The following ZNF615 variants were observed in gnomAD, a reference collection of about 807,000 sequenced individuals.
The protein encoded by ZNF615 is zinc finger protein 615.
ZNF615 carries 15 observed loss-of-function variants against 15.3 expected under a neutral mutation model. That is an observed-to-expected ratio of 0.98 (90% CI 0.66 to 1.51). The LOEUF is 1.51. Ranked by LOEUF, ZNF615 falls within the 40% of genes most tolerant of loss-of-function variation. The probability of loss-of-function intolerance (pLI) is 0.00; values close to 1 mark genes in which losing one functional copy is unlikely to be tolerated. For synonymous variants in ZNF615, 268 were observed against 294.6 expected, an observed-to-expected ratio of 0.91 and a Z score of 0.92; for missense variants, 848 against 895.9, an observed-to-expected ratio of 0.95 and a Z score of 0.68.
At position 51,993,898 on chromosome 19, in the gene ZNF615, G is replaced by C; in HGVS notation, c.1211C>G (p.Thr404Ser). Residue 404 changes from threonine (T) to serine (S), a missense_variant, in exon 7 of 7, where the codon ACT becomes AGT. Physicochemically the swap from Thr to Ser is moderately conservative, Grantham distance 58 (BLOSUM62 1). Transcript: ENST00000598071. ...LKNSLITHQQ[T>S]HTGEKLYTCS... ...TGTATATAATTTCTCTCCTGTATGAGTTTGCTGATGTGTGATAAGACTGTT... is the reference window on the plus strand; with the variant it reads ...TGTATATAATTTCTCTCCTGTATGACTTTGCTGATGTGTGATAAGACTGTT... 1 of 1,614,146 alleles carries C rather than the reference G, an allele frequency of 6.2e-7. No individual in the cohort carries two copies. Among genetic ancestry groups the C allele is most frequent in the Non-Finnish European group, 8.5e-7 (1 of 1,180,018 alleles).
At chr19:51,998,900 C>T (rs1238786891) in intron 6 of ZNF615, among the ~76,000 whole-genome samples, 1 of 152,212 alleles carries the variant, frequency 6.6e-6, no homozygotes, top group Admixed American at 6.5e-5. Context: ...AGTGATCCAT[C>T]TGCCTTGGCC....
At chr19:52,003,934 T>G in intron 2 of ZNF615, 34 bp from the exon 3 acceptor site, 1 of 1,319,354 alleles carries the variant, frequency 7.6e-7, no homozygotes, top group Non-Finnish European at 9.7e-7. Flanking sequence ...GGTACATTCT[T>G]TTTAGGCCCA....
At position 51,993,914 on chromosome 19, in the gene ZNF615, T is replaced by C. The variant is rs757451078; in HGVS notation, c.1195A>G (p.Ile399Val). The change falls in exon 7 of 7, where the codon ATC becomes GTC. Residue 399 changes from isoleucine to valine, a missense_variant. Ile to Val is a conservative substitution (Grantham distance 29). Transcript: ENST00000598071. ...GKGFTLKNSL[I>V]THQQTHTGEK... ...CCTGTATGAGTTTGCTGATGTGTGATAAGACTGTTCTTCAAGGTGAAGCCT... is the reference window on the plus strand; with the variant it reads ...CCTGTATGAGTTTGCTGATGTGTGACAAGACTGTTCTTCAAGGTGAAGCCT... 1.4e-5 allele frequency: 23 copies of C among 1,614,228 alleles called. No individual in the cohort carries two copies. Among genetic ancestry groups the C allele is most frequent in the Non-Finnish European group, 1.9e-5 (23 of 1,180,030 alleles).
intron 2 of ZNF615, among the ~76,000 whole-genome samples, 162 bp downstream of exon 2, chr19:52,007,131 A>C (rs2086774313): frequency 6.6e-6 from 1 of 152,226 alleles, no homozygotes; most frequent in Admixed American, 6.5e-5. Context: ...CAAACAGTAA[A>C]AACAACTTCT....
rs1555771247 is a variant in ZNF615 at position 51,996,402 on chromosome 19, A to AAAAC, written c.272-1566_272-1565insGTTT. 7.1e-4 allele frequency among the ~76,000 whole-genome samples: 96 copies of AAAAC among 134,364 alleles called. 4 individuals are homozygous for AAAAC. The highest frequency in any genetic ancestry group is 4.0e-3 in the Middle Eastern group (1 of 248). 88.1% of individuals were successfully genotyped at this position (134,364 alleles called of 152,430 possible). ...CTCTGTCTCAAAAAAAAAAAAAAAA[A>AAAAC]AAAAAACGCAAAACTATATGGCTTC... is the stretch of plus-strand genomic sequence containing the variant. On this transcript the variant is annotated intron_variant, in intron 6 of 6. Coordinates refer to ENST00000598071, the MANE Select transcript of ZNF615 (RefSeq NM_001199324.2).
Position 51,993,106 on chromosome 19 carries a change from C to T in ZNF615, c.2003G>A (p.Cys668Tyr), listed in dbSNP as rs769437215. 6.2e-7 allele frequency: 1 copy of T among 1,614,196 alleles called. No homozygotes were observed. The highest frequency in any genetic ancestry group is 8.5e-7 in the Non-Finnish European group (1 of 1,180,026). The stretch of plus-strand genomic sequence containing the variant: ...ATTTTTGCGCAAAGAGAATTTTCCA[C>T]ATTCAGTACATGCAAAGGAAGTCTT... ...TGKTSFACTECGKFSLRKNDL... is the reference protein window; with the variant it reads ...TGKTSFACTEYGKFSLRKNDL... Residue 668 changes from cysteine to tyrosine, a missense_variant, in exon 7 of 7, where the codon TGT becomes TAT. Physicochemically the swap from Cys to Tyr is radical, Grantham distance 194. Coordinates refer to ENST00000598071, the MANE Select transcript of ZNF615 (RefSeq NM_001199324.2).
chr19:51,994,063 T>G lies in ZNF615; in HGVS notation c.1046A>C (p.His349Pro). 1.2e-6 allele frequency: 2 copies of G among 1,614,162 alleles called. No homozygotes were observed. The highest frequency in any genetic ancestry group is 1.7e-6 in the Non-Finnish European group (2 of 1,180,020). ...ACATATATAAGGTTTTTCTCCTGTA[T>G]GAGTTTTCTGATGTGTAGTGAGACT... ...KFSLTTHQKT[H>P]TGEKPYICSE... Residue 349 changes from histidine to proline, a missense_variant, in exon 7 of 7, where the codon CAT becomes CCT. By Grantham distance (77) the His-to-Pro change is moderately conservative. Transcript: ENST00000598071.
Position 51,993,947 on chromosome 19 carries a change from A to G in ZNF615, c.1162T>C (p.Cys388Arg). The part of the protein sequence containing the change: ...TGEKPFICNK[C>R]GKGFTLKNSL... ...TTCTTCAAGGTGAAGCCTTTCCCAC[A>G]TTTATTGCATATAAAGGGTTTCTCA... Residue 388 changes from cysteine to arginine, a missense_variant, in exon 7 of 7, where the codon TGT becomes CGT. By Grantham distance (180) the Cys-to-Arg change is radical. Transcript: ENST00000598071. The G allele has an allele frequency of 6.2e-7, 1 of 1,614,034 alleles. No individual in the cohort carries two copies. The highest frequency in any genetic ancestry group is 8.5e-7 in the Non-Finnish European group (1 of 1,179,912).
At position 51,991,445 on chromosome 19, in the gene ZNF615, T is replaced by TTA. The variant is rs1210443964; in HGVS notation, c.*1433_*1434dup. On this transcript the variant is annotated 3_prime_UTR_variant, in exon 7 of 7. Coordinates refer to ENST00000598071, the MANE Select transcript of ZNF615 (RefSeq NM_001199324.2). Reference sequence around the variant, plus strand: ...AATAGTGGTATATTCGTATCATAGATTATTAGTGGCCAATAAAAACAGAAC... The same window carrying TTA: ...AATAGTGGTATATTCGTATCATAGATTATATTAGTGGCCAATAAAAACAGAAC... The TTA allele has an allele frequency of 7.9e-5, 12 of 152,248 alleles. No homozygotes were observed. The highest frequency in any genetic ancestry group is 2.9e-4 in the African/African-American group (12 of 41,472). The allele number at this position is 152,248 out of a possible 1,614,324, so 9.4% of individuals were successfully genotyped here. A position where few individuals can be genotyped will look rare whatever the true frequency, so the allele number is the denominator to read the frequency against.
At chr19:52,002,336 G>T (rs1467350877) in intron 3 of ZNF615, 55 bp from the exon 4 acceptor site, 12 of 1,612,000 alleles carry the variant, frequency 7.4e-6, no homozygotes, top group Admixed American at 6.7e-5. Flanking sequence ...GATAGGAAAA[G>T]AATGTCAAGG....
At chr19:51,994,944 C>G in intron 6 of ZNF615, 107 bp from the exon 7 acceptor site, 1 of 1,041,348 alleles carries the variant, frequency 9.6e-7, no homozygotes. Flanking sequence ...TTAGTGAAAA[C>G]CCTATTTTAT....
At chr19:52,001,632 AAAAG>A in intron 5 of ZNF615, 177 bp downstream of exon 5, 54 of 573,264 alleles carry the variant, frequency 9.4e-5, no homozygotes, top group Non-Finnish European at 1.5e-4. Flanking sequence ...AAAAAAAAAA[AAAAG>A]AAAAGAAAGT....
chr19:52,003,576 C>G lies in ZNF615; in HGVS notation c.15+121G>C. The G allele has an allele frequency of 4.5e-6, 4 of 884,088 alleles. No individual in the cohort carries two copies. In the South Asian group the frequency reaches 7.0e-5, roughly 15 times the overall value. 54.8% of individuals were successfully genotyped at this position (884,088 alleles called of 1,614,324 possible). A position where few individuals can be genotyped will look rare whatever the true frequency, so the allele number is the denominator to read the frequency against. On this transcript the variant is annotated intron_variant, in intron 3 of 6. Transcript: ENST00000598071. ...AATATATCCCTGATCCTTCTTTGCC[C>G]AGATTTCTCCAGGTCCTGATATTTC...
At position 51,993,305 on chromosome 19, in the gene ZNF615, T is replaced by C. The variant is rs762618120; in HGVS notation, c.1804A>G (p.Thr602Ala). Reference protein sequence around the residue: ...SMLIAHQRTHTGEKPYICNEC... With the variant: ...SMLIAHQRTHAGEKPYICNEC... ...TTGCATATATAAGGTTTCTCCCCAGTATGAGTTCGCTGATGTGCAATGAGC... is the reference window on the plus strand; with the variant it reads ...TTGCATATATAAGGTTTCTCCCCAGCATGAGTTCGCTGATGTGCAATGAGC... Residue 602 changes from threonine to alanine, a missense_variant, in exon 7 of 7, where the codon ACT becomes GCT. Thr to Ala is a moderately conservative substitution (Grantham distance 58). Coordinates refer to ENST00000598071, the MANE Select transcript of ZNF615 (RefSeq NM_001199324.2). The C allele has an allele frequency of 6.2e-7, 1 of 1,614,158 alleles. No homozygotes were observed. Among genetic ancestry groups the C allele is most frequent in the Non-Finnish European group, 8.5e-7 (1 of 1,180,026 alleles).
At chr19:52,005,392 T>C (rs7257830) in intron 2 of ZNF615, among the ~76,000 whole-genome samples, 63,423 of 152,156 alleles carry the variant, frequency 0.42, 15,235 homozygotes, top group African/African-American at 0.65. Context: ...ATATGTTGTT[T>C]GTAATCAATA....
chr19:52,000,756 C>T (rs35019676), intron 5 of ZNF615, among the ~76,000 whole-genome samples: 1,725 of 152,074 alleles, frequency 0.011, 34 homozygotes, highest in African/African-American at 0.04. Flanking sequence ...AGTTCAAGAC[C>T]AGCCTAGGCA....
chr19:52,001,491 A>T (rs957149001), intron 5 of ZNF615, among the ~76,000 whole-genome samples: 3 of 151,570 alleles, frequency 2.0e-5, no homozygotes, highest in Admixed American at 2.0e-4. Flanking sequence ...GGTGGTACGC[A>T]CCTGTAGTCC....
Position 51,993,467 on chromosome 19 carries a change from C to A in ZNF615, c.1642G>T (p.Glu548Ter). The A allele has an allele frequency of 6.2e-7, 1 of 1,614,150 alleles. No individual in the cohort carries two copies. The highest frequency in any genetic ancestry group is 8.5e-7 in the Non-Finnish European group (1 of 1,180,022). The change falls in exon 7 of 7, where the codon GAG becomes TAG. Residue 548 changes from glutamate (E) to a stop codon, truncating the protein, a stop_gained. Transcript: ENST00000598071. LOFTEE classifies it low-confidence loss of function (END_TRUNC). The part of the protein sequence containing the change: ...LMGHQRTHTG[E>*]KPYICNECGK... Reference sequence around the variant, plus strand: ...CACTCATTGCAAATATAAGGTTTCTCTCCTGTATGAGTTCGTTGATGTCCC... The same window carrying A: ...CACTCATTGCAAATATAAGGTTTCTATCCTGTATGAGTTCGTTGATGTCCC...
At chr19:52,001,224 T>A (rs766098066) in intron 5 of ZNF615, among the ~76,000 whole-genome samples, 13 of 151,918 alleles carry the variant, frequency 8.6e-5, no homozygotes, top group South Asian at 4.1e-4. Flanking sequence ...GCAGAGACAC[T>A]GTGACAGTGG....
Sources: gnomAD v4.1 joint callset for allele counts (sites outside exome capture counted in the v4.1 genomes callset) on GRCh38, gnomAD v4.1.1 for gene constraint, MANE v1.5 for transcripts, NCBI Gene and HGNC (gene_info 2026-07-23, HGNC 2026-07-21) for gene names.